The following NOL4 variants were observed in gnomAD, a reference collection of about 807,000 sequenced individuals.
NOL4 encodes cancer/testis antigen 125.
NOL4 carries 17 observed loss-of-function variants against 75.9 expected under a neutral mutation model. The observed-to-expected ratio is 0.22, with a 90% CI of 0.15 to 0.34. The LOEUF (loss-of-function observed/expected upper bound fraction) is 0.34, where lower values mean the gene tolerates loss of function less well. Ranked by LOEUF, NOL4 falls within the 10% of genes least tolerant of loss-of-function variation. NOL4 has a pLI of 1.00. For synonymous variants in NOL4, 292 were observed against 289.9 expected (o/e 1.01, Z -0.07); for missense variants, 614 against 793.5 (o/e 0.77, Z 2.72).
At chr18:33,911,787 G>A (rs770477235) in intron 9 of NOL4, among the ~76,000 whole-genome samples, 9 of 152,096 alleles carry the variant, frequency 5.9e-5, no homozygotes, top group Non-Finnish European at 1.3e-4. Context: ...CCATACTTGT[G>A]GCTAAAAACT....
intron 5 of NOL4, among the ~76,000 whole-genome samples, chr18:34,079,845 T>C (rs1263761159): frequency 6.6e-6 from 1 of 152,210 alleles, no homozygotes; most frequent in Non-Finnish European, 1.5e-5. Context: ...CAAGTCAAAG[T>C]CATGGTTTTA....
chr18:34,185,715 T>C (rs1490719161), intron 1 of NOL4, among the ~76,000 whole-genome samples: 4 of 152,138 alleles, frequency 2.6e-5, no homozygotes, highest in African/African-American at 9.7e-5. Context: ...CTTTATAGAG[T>C]GCATGAGCTT....
intron 1 of NOL4, among the ~76,000 whole-genome samples, chr18:34,149,808 T>C (rs958670083): frequency 1.3e-5 from 2 of 151,676 alleles, no homozygotes; most frequent in Non-Finnish European, 3.0e-5. Context: ...AAATGCTTAG[T>C]GATCATTATT....
At chr18:34,061,148 A>G (rs1469153862) in intron 5 of NOL4, among the ~76,000 whole-genome samples, 1 of 152,164 alleles carries the variant, frequency 6.6e-6, no homozygotes, top group East Asian at 1.9e-4. Flanking sequence ...ACTCACTTAA[A>G]TGTTATAAGA....
intron 9 of NOL4, among the ~76,000 whole-genome samples, chr18:33,914,717 G>A (rs1275083074): frequency 6.6e-6 from 1 of 152,010 alleles, no homozygotes; most frequent in Non-Finnish European, 1.5e-5. Context: ...AAAAGAAGGG[G>A]GAACTCAATG....
intron 10 of NOL4, among the ~76,000 whole-genome samples, chr18:33,858,441 T>C (rs1380706803): frequency 1.3e-5 from 2 of 151,974 alleles, no homozygotes; most frequent in East Asian, 3.9e-4. Flanking sequence ...TTAGCTAATA[T>C]AGATAAAGTA....
intron 1 of NOL4, among the ~76,000 whole-genome samples, chr18:34,216,650 T>C (rs1424043156): frequency 9.4e-6 from 1 of 106,228 alleles, no homozygotes; most frequent in East Asian, 2.0e-4. Context: ...ATAAGTATAA[T>C]ATAATAAGTG....
intron 10 of NOL4, among the ~76,000 whole-genome samples, chr18:33,876,435 A>G (rs1303751071): frequency 6.6e-6 from 1 of 152,038 alleles, no homozygotes; most frequent in African/African-American, 2.4e-5. Context: ...ACTCCCTTCC[A>G]CACATTTCAG....
At chr18:33,950,062 T>G in intron 8 of NOL4, among the ~76,000 whole-genome samples, 1 of 151,882 alleles carries the variant, frequency 6.6e-6, no homozygotes, top group East Asian at 1.9e-4. Flanking sequence ...TTATTGTACA[T>G]TATGATGTAG....
chr18:34,076,952 AGG>A (rs2145338587), intron 5 of NOL4, among the ~76,000 whole-genome samples: 1 of 152,272 alleles, frequency 6.6e-6, no homozygotes, highest in East Asian at 1.9e-4. Flanking sequence ...ACAAATTCCC[AGG>A]GGTGCATTCA....
At chr18:34,022,536 C>T (rs1333851660) in intron 5 of NOL4, among the ~76,000 whole-genome samples, 1 of 151,992 alleles carries the variant, frequency 6.6e-6, no homozygotes, top group Non-Finnish European at 1.5e-5. Context: ...TATGCCAATT[C>T]AAATTCTTAC....
At chr18:33,979,881 T>C (rs1228925525) in intron 6 of NOL4, among the ~76,000 whole-genome samples, 1 of 152,008 alleles carries the variant, frequency 6.6e-6, no homozygotes, top group African/African-American at 2.4e-5. Flanking sequence ...TTATTCAGTG[T>C]TTAAATTAGA....
In NOL4 at chr18:34,202,389, TTAATC is replaced by T. The variant is rs1277222194; in HGVS notation, c.264+20596_264+20600del. ...AATCTATCATTTTCACATCAATACT[TTAATC>T]TTAGAGTTAAAAACTGAATCCTTTC... On this transcript the variant is annotated intron_variant, in intron 1 of 10. Transcript: ENST00000261592. Among the ~76,000 whole-genome samples, 97 of 152,112 alleles carry T rather than the reference TTAATC, an allele frequency of 6.4e-4. 1 individual carries two copies. The highest frequency in any genetic ancestry group is 1.1e-3 in the Admixed American group (16 of 15,236).
In NOL4 at chr18:34,185,249, G is replaced by A. The variant is rs144755386; in HGVS notation, c.264+37741C>T. Among the ~76,000 whole-genome samples the A allele has an allele frequency of 1.8e-4, 27 of 152,214 alleles. 1 individual carries two copies. In the East Asian group the frequency reaches 4.3e-3, roughly 24 times the overall value. On this transcript the variant is annotated intron_variant, in intron 1 of 10. Coordinates refer to ENST00000261592, the MANE Select transcript of NOL4 (RefSeq NM_003787.5). Reference sequence around the variant, plus strand: ...ATAATTTAGCCTGCTACAATTTCACGGATTCTGGCAGAACATACAAGACTT... The same window carrying A: ...ATAATTTAGCCTGCTACAATTTCACAGATTCTGGCAGAACATACAAGACTT...
chr18:33,905,699 C>G (rs1291537816), intron 9 of NOL4, among the ~76,000 whole-genome samples: 1 of 152,046 alleles, frequency 6.6e-6, no homozygotes, highest in Non-Finnish European at 1.5e-5. Flanking sequence ...ATATAGAGTA[C>G]AACTATATGC....
chr18:34,010,917 A>G, intron 6 of NOL4, among the ~76,000 whole-genome samples: 1 of 151,716 alleles, frequency 6.6e-6, no homozygotes, highest in Non-Finnish European at 1.5e-5. Flanking sequence ...ATTTTTTTCT[A>G]TCAAATTCTT....
intron 5 of NOL4, chr18:34,023,670 G>A (rs1479734526): frequency 6.9e-6 from 2 of 291,826 alleles, no homozygotes; most frequent in African/African-American, 4.3e-5. Flanking sequence ...AGAGGAGAAT[G>A]TGGAATGTGA....
intron 1 of NOL4, among the ~76,000 whole-genome samples, chr18:34,203,717 T>TCTCACACACACACACA (rs1261546835): frequency 4.7e-4 from 34 of 72,300 alleles, no homozygotes; most frequent in Middle Eastern, 0.014. Context: ...TCTCTCTCTC[T>TCTCACACACACACACA]CACACACACA....
At chr18:33,970,352 TA>T (rs2070953311) in intron 6 of NOL4, among the ~76,000 whole-genome samples, 1 of 152,304 alleles carries the variant, frequency 6.6e-6, no homozygotes, top group African/African-American at 2.4e-5. Flanking sequence ...TTTGACACTT[TA>T]TTTTTATCTT....
Sources: allele counts gnomAD v4.1 joint callset (sites outside exome capture counted in the v4.1 genomes callset), GRCh38; gene constraint gnomAD v4.1.1; transcripts MANE v1.5; gene names NCBI Gene and HGNC (gene_info 2026-07-23, HGNC 2026-07-21).